The following FGD2 variants were observed in gnomAD, a reference collection of about 807,000 sequenced individuals.
FGD2 encodes FYVE, RhoGEF and PH domain-containing protein 2.
A neutral mutation model predicts 75.9 loss-of-function variants in FGD2; 52 were observed. The observed-to-expected ratio is 0.69, with a 90% CI of 0.55 to 0.86. The LOEUF is 0.86. Ranked by LOEUF, FGD2 falls within the 40% of genes least tolerant of loss-of-function variation. The probability of loss-of-function intolerance (pLI) is 0.00; values close to 1 mark genes in which losing one functional copy is unlikely to be tolerated. For synonymous variants in FGD2, 347 were observed against 348.6 expected (o/e 1.00, Z 0.05); for missense variants, 790 against 872.0 (o/e 0.91, Z 1.18).
chr6:37,011,545 C>A, intron 3 of FGD2, 161 bp from the exon 4 acceptor site: 2 of 981,142 alleles, frequency 2.0e-6, no homozygotes, highest in Non-Finnish European at 3.1e-6. Flanking sequence ...GTGGCCAGAA[C>A]ACAACCTCCC....
intron 14 of FGD2, among the ~76,000 whole-genome samples, chr6:37,027,049 C>T (rs1319449946): frequency 6.6e-6 from 1 of 152,098 alleles, no homozygotes. Context: ...GCATCCACCC[C>T]GTTTCCAATC....
chr6:37,018,104 G>C (rs768803079), intron 9 of FGD2, among the ~76,000 whole-genome samples: 1 of 152,172 alleles, frequency 6.6e-6, no homozygotes, highest in Admixed American at 6.5e-5. Flanking sequence ...AAATGGAGAC[G>C]GGTGGCCCTG....
chr6:37,020,998 ATGTGTGTGCG>A (rs200635493), intron 11 of FGD2, among the ~76,000 whole-genome samples: 1,530 of 147,476 alleles, frequency 0.01, 20 homozygotes, highest in African/African-American at 0.035. Flanking sequence ...GTGTGCATGC[ATGTGTGTGCG>A]TGTGTACATG....
At chr6:37,018,641 C>T (rs1450450173) in intron 9 of FGD2, among the ~76,000 whole-genome samples, 1 of 152,160 alleles carries the variant, frequency 6.6e-6, no homozygotes. Context: ...GCTCCACGTA[C>T]AGTTGTGCAG....
chr6:37,011,990 C>G, intron 4 of FGD2, 136 bp downstream of exon 4: 1 of 942,656 alleles, frequency 1.1e-6, no homozygotes, highest in Non-Finnish European at 1.5e-6. Context: ...GGGGCTCGGT[C>G]TGTCTGCACA....
Position 37,022,338 on chromosome 6 carries a change from C to T in FGD2, c.1426C>T (p.Arg476Cys), listed in dbSNP as rs1172770308. ...CCAGGAGCCCTTCAACGCTCTGACG[C>T]GCCGTCGCCACCACTGCCGGGCCTG... ...RCQEPFNALT[R>C]RRHHCRACGY... Residue 476 changes from arginine (R) to cysteine (C), a missense_variant, in exon 13 of 16, where the codon CGC (arginine) becomes TGC (cysteine). Arg to Cys is a radical substitution (Grantham distance 180, BLOSUM62 -3). Coordinates refer to ENST00000274963, the MANE Select transcript of FGD2 (RefSeq NM_173558.4). 1.8e-5 allele frequency: 28 copies of T among 1,589,442 alleles called. No individual in the cohort carries two copies. The highest frequency in any genetic ancestry group is 1.7e-4 in the Middle Eastern group (1 of 5,998).
At chr6:37,009,440 A>C in intron 2 of FGD2, 1 of 209,878 alleles carries the variant, frequency 4.8e-6, no homozygotes, top group Non-Finnish European at 9.7e-6. Flanking sequence ...CAACCTAGAA[A>C]TAGAGGTCTG....
Position 37,021,877 on chromosome 6 carries a change from T to C in FGD2, c.1326+273T>C, listed in dbSNP as rs1583319315. The C allele has an allele frequency of 6.2e-6, 3 of 481,534 alleles. No homozygotes were observed. The East Asian group carries it at 1.0e-4, about 17-fold the overall frequency. 29.8% of individuals were successfully genotyped at this position (481,534 alleles called of 1,614,324 possible). A position where few individuals can be genotyped will look rare whatever the true frequency, so the allele number is the denominator to read the frequency against. On this transcript the variant is annotated intron_variant, in intron 12 of 15. Coordinates refer to ENST00000274963, the MANE Select transcript of FGD2 (RefSeq NM_173558.4). ...CCAGCTGCAGGGGGCAGTAGGGTTT[T>C]GGGTTTGAAAGTATCTGAGAAATAC...
chr6:37,013,905 C>A, intron 5 of FGD2, 57 bp from the exon 6 acceptor site: 1 of 1,594,304 alleles, frequency 6.3e-7, no homozygotes, highest in Non-Finnish European at 8.6e-7. Context: ...TCAGGAGCAG[C>A]CTGACCCACC....
rs147833566 is a variant in FGD2, at chr6:37,010,984, G to T, written c.312G>T (p.Lys104Asn). The change falls in exon 3 of 16, where the codon AAG (lysine) becomes AAT (asparagine). Residue 104 changes from lysine (K) to asparagine (N), a missense_variant. Transcript: ENST00000274963. ...LSGSGTQEPE[K>N]KIVQELLETE... ...CCAATCCTCCGCAGGAGCCAGAGAAGAAGATCGTCCAGGAGCTGCTGGAGA... is the reference window on the plus strand; with the variant it reads ...CCAATCCTCCGCAGGAGCCAGAGAATAAGATCGTCCAGGAGCTGCTGGAGA... 4.8e-5 allele frequency: 77 copies of T among 1,614,072 alleles called. No homozygotes were observed. The African/African-American group carries it at 9.7e-4, about 20-fold the overall frequency.
intron 13 of FGD2, chr6:37,024,473 C>G (rs1765724803): frequency 6.6e-6 from 1 of 152,236 alleles, no homozygotes. Context: ...GTCATGATGA[C>G]TGTAATTTAT....
intron 9 of FGD2, among the ~76,000 whole-genome samples, chr6:37,016,534 A>ATT (rs59713417): frequency 0.011 from 1,446 of 136,752 alleles, 28 homozygotes; most frequent in African/African-American, 0.03. Context: ...AATCTTCTGG[A>ATT]TTTTTTTTTT....
At chr6:37,026,014 A>G (rs1765805363) in intron 14 of FGD2, 76 bp downstream of exon 14, 2 of 1,567,514 alleles carry the variant, frequency 1.3e-6, no homozygotes, top group East Asian at 4.6e-5. Context: ...TGCTGGGCTG[A>G]CACTGTCCAG....
At chr6:37,027,316 C>T in intron 14 of FGD2, 113 bp from the exon 15 acceptor site, 1 of 1,243,540 alleles carries the variant, frequency 8.0e-7, no homozygotes, top group Non-Finnish European at 1.1e-6. Flanking sequence ...GACCAAGGAC[C>T]CCTCCATTCA....
At chr6:37,012,793 A>G (rs574728801) in intron 4 of FGD2, among the ~76,000 whole-genome samples, 6 of 151,500 alleles carry the variant, frequency 4.0e-5, no homozygotes, top group African/African-American at 1.5e-4. Flanking sequence ...ATTTTTTTCA[A>G]TGAGAAAATC....
At chr6:37,017,321 T>C (rs1765346585) in intron 9 of FGD2, among the ~76,000 whole-genome samples, 2 of 152,202 alleles carry the variant, frequency 1.3e-5, no homozygotes, top group Admixed American at 6.5e-5. Flanking sequence ...TGCCTGTGTG[T>C]GAATGTATCT....
In FGD2 at chr6:37,009,030, T is replaced by C; in HGVS notation, c.265T>C (p.Cys89Arg). Residue 89 changes from cysteine to arginine, a missense_variant, in exon 2 of 16, where the codon TGC (cysteine) becomes CGC (arginine). Physicochemically the swap from Cys to Arg is radical, Grantham distance 180. Coordinates refer to ENST00000274963, the MANE Select transcript of FGD2 (RefSeq NM_173558.4). ...GTCCAGCGAAGCCTGGAGGAAATCT[T>C]GCCAGCCTGTGACCCTCTCAGGATC... ...KLSSEAWRKS[C>R]QPVTLSGSGT... 1 of 1,614,228 alleles carries C rather than the reference T, an allele frequency of 6.2e-7. No individual in the cohort carries two copies.
intron 1 of FGD2, among the ~76,000 whole-genome samples, chr6:37,006,682 A>G (rs1322793941): frequency 6.6e-6 from 1 of 152,000 alleles, no homozygotes; most frequent in East Asian, 1.9e-4. Context: ...GCATTTCTTA[A>G]GCTCAGGACT....
rs201107939 is a variant in FGD2 at position 37,025,948 on chromosome 6, A to G, written c.1605+10A>G. The G allele has an allele frequency of 2.8e-4, 455 of 1,613,526 alleles. No homozygotes were observed. The highest frequency in any genetic ancestry group is 8.7e-4 in the Admixed American group (52 of 59,978). Reference sequence around the variant, plus strand: ...GCGGGGCATCCTGGAGGTGAGGGCCACTGTCCCCGCGCTCACCATCCGTCC... The same window carrying G: ...GCGGGGCATCCTGGAGGTGAGGGCCGCTGTCCCCGCGCTCACCATCCGTCC... On this transcript the variant is annotated intron_variant, in intron 14 of 15. Transcript: ENST00000274963.
Sources: allele counts gnomAD v4.1 joint callset (sites outside exome capture counted in the v4.1 genomes callset), GRCh38; gene constraint gnomAD v4.1.1; transcripts MANE v1.5; gene names NCBI Gene and HGNC (gene_info 2026-07-23, HGNC 2026-07-21).